ADH1A: variants seen among roughly 807,000 people sequenced by gnomAD.
ADH1A encodes alcohol dehydrogenase 1A (class I), alpha polypeptide.
Under a neutral mutation model 35.2 loss-of-function variants are expected in ADH1A, and 29 were observed. The ratio of observed to expected loss-of-function variants is 0.82; its 90% confidence interval spans 0.61 to 1.12. ADH1A has a LOEUF of 1.12. ADH1A is among the 50% of genes most tolerant of loss of function. The pLI, the probability that ADH1A is intolerant of heterozygous loss-of-function variation, is 0.00. For missense variants in ADH1A, 469 were observed against 464.7 expected (o/e 1.01, Z -0.09); for synonymous variants, 147 against 164.8 (o/e 0.89, Z 0.83).
chr4:99,284,042 G>C (rs1028714454), intron 5 of ADH1A, among the ~76,000 whole-genome samples: 1 of 152,120 alleles, frequency 6.6e-6, no homozygotes, highest in Non-Finnish European at 1.5e-5. Flanking sequence ...TACTTTTGCT[G>C]TCAGAGCCTA....
intron 3 of ADH1A, among the ~76,000 whole-genome samples, chr4:99,286,021 C>CAAAAAA (rs397938892): frequency 0.02 from 1,671 of 84,818 alleles, 67 homozygotes; most frequent in African/African-American, 0.024. Flanking sequence ...GACTCCGTCT[C>CAAAAAA]AAAAAAAAAA....
chr4:99,283,064 C>A (rs1208993450), intron 5 of ADH1A, among the ~76,000 whole-genome samples: 6 of 152,172 alleles, frequency 3.9e-5, no homozygotes, highest in African/African-American at 1.4e-4. Flanking sequence ...GTGGAAAAGG[C>A]TACTCCAGGA....
At chr4:99,278,418 T>G (rs1732918126) in intron 8 of ADH1A, 2 of 152,122 alleles carry the variant, frequency 1.3e-5, no homozygotes, top group South Asian at 4.1e-4. Context: ...GACCAAGTCA[T>G]GCCTTCTCTG....
chr4:99,282,233 A>C (rs1211116648), intron 6 of ADH1A, 113 bp downstream of exon 6: 2 of 1,597,402 alleles, frequency 1.3e-6, no homozygotes, highest in Admixed American at 3.4e-5. Context: ...GATGATGGGA[A>C]ATTTCCATTC....
At chr4:99,286,548 T>C in intron 3 of ADH1A, 1 of 316,072 alleles carries the variant, frequency 3.2e-6, no homozygotes, top group Non-Finnish European at 5.8e-6. Context: ...TACTAGATTA[T>C]GAATGCCACA....
chr4:99,279,821 G>A (rs1429786894), intron 7 of ADH1A, among the ~76,000 whole-genome samples: 3 of 152,100 alleles, frequency 2.0e-5, no homozygotes, highest in Admixed American at 2.0e-4. Context: ...AAAGGAACAA[G>A]TTTAACAGTT....
chr4:99,279,781 C>G (rs1378285208), intron 7 of ADH1A, among the ~76,000 whole-genome samples: 1 of 152,082 alleles, frequency 6.6e-6, no homozygotes, highest in Non-Finnish European at 1.5e-5. Context: ...CTCTCTCCCA[C>G]AGAGAAATCA....
intron 8 of ADH1A, among the ~76,000 whole-genome samples, chr4:99,277,603 A>G (rs982235335): frequency 6.6e-6 from 1 of 152,122 alleles, no homozygotes; most frequent in African/African-American, 2.4e-5. Flanking sequence ...TTGAATTTCT[A>G]TCAACTTCTT....
In ADH1A at chr4:99,280,280, C is replaced by A; in HGVS notation, c.829-1G>T. The A allele has an allele frequency of 6.2e-7, 1 of 1,613,156 alleles. No individual in the cohort carries two copies. The highest frequency in any genetic ancestry group is 8.5e-7 in the Non-Finnish European group (1 of 1,179,808). Reference sequence around the variant, plus strand: ...CATGACAACATAACAGGGAAGCCATCTGGAATAAAGTGAACACTTAGCATT... The same window carrying A: ...CATGACAACATAACAGGGAAGCCATATGGAATAAAGTGAACACTTAGCATT... On this transcript the variant is annotated splice_acceptor_variant, in intron 6 of 8. Coordinates refer to ENST00000209668, the MANE Select transcript of ADH1A (RefSeq NM_000667.4). LOFTEE classifies it high-confidence loss of function.
At chr4:99,282,728 A>C (rs897216872) in intron 5 of ADH1A, 122 bp from the exon 6 acceptor site, 1 of 1,452,344 alleles carries the variant, frequency 6.9e-7, no homozygotes, top group African/African-American at 1.4e-5. Flanking sequence ...TTTTGGCTTC[A>C]GTTGCTTTAT....
chr4:99,279,857 A>T (rs748115944), intron 7 of ADH1A, among the ~76,000 whole-genome samples: 2 of 151,468 alleles, frequency 1.3e-5, no homozygotes, highest in African/African-American at 2.4e-5. Context: ...TAGATATGAA[A>T]TATTGTTGTA....
intron 3 of ADH1A, among the ~76,000 whole-genome samples, chr4:99,286,512 G>T (rs1339364112): frequency 6.6e-6 from 1 of 152,080 alleles, no homozygotes; most frequent in Non-Finnish European, 1.5e-5. Flanking sequence ...ACAGAAGACC[G>T]TGTTCACCAA....
rs758748847 is a variant in ADH1A, at chr4:99,282,483, C to A, written c.691G>T (p.Ala231Ser). Residue 231 changes from alanine to serine, a missense_variant, in exon 6 of 9, where the codon GCA becomes TCA. Ala to Ser is a moderately conservative substitution (Grantham distance 99). Coordinates refer to ENST00000209668, the MANE Select transcript of ADH1A (RefSeq NM_000667.4). ...IAVDINKDKF[A>S]KAKELGATEC... is the part of the protein sequence containing the mutation. ...GTGGCACCCAACTCTTTGGCCTTTG[C>A]AAATTTGTCCTTGTTGATGTCCACC... is the stretch of plus-strand genomic sequence containing the variant. 1 of 1,614,024 alleles carries A rather than the reference C, an allele frequency of 6.2e-7. No individual in the cohort carries two copies. The highest frequency in any genetic ancestry group is 8.5e-7 in the Non-Finnish European group (1 of 1,180,046).
At chr4:99,282,182 A>G in intron 6 of ADH1A, 164 bp downstream of exon 6, 9 of 1,347,008 alleles carry the variant, frequency 6.7e-6, no homozygotes, top group Non-Finnish European at 9.3e-6. Context: ...AGAATAAAAG[A>G]TTCCTCATAA....
At chr4:99,284,069 C>T (rs574644023) in intron 5 of ADH1A, among the ~76,000 whole-genome samples, 2 of 152,258 alleles carry the variant, frequency 1.3e-5, no homozygotes, top group East Asian at 1.9e-4. Context: ...CCTATGGTGC[C>T]TGAAGCATGT....
In ADH1A at chr4:99,284,785, A is replaced by C. The variant is rs1733105340; in HGVS notation, c.278T>G (p.Leu93Arg). Residue 93 changes from leucine (L) to arginine (R), a missense_variant, in exon 4 of 9, where the codon CTC (leucine) becomes CGC (arginine). Physicochemically the swap from Leu to Arg is moderately radical, Grantham distance 102. Transcript: ENST00000209668. ...GCATTTTCCACACTGAGGAATAGCG[A>C]GTGGGATGACTTTATCACCTGGAGA... Reference protein sequence around the residue: ...TVKPGDKVIPLAIPQCGKCRI... With the variant: ...TVKPGDKVIPRAIPQCGKCRI... The C allele has an allele frequency of 1.1e-5, 18 of 1,614,146 alleles. No individual in the cohort carries two copies. Among genetic ancestry groups the C allele is most frequent in the Non-Finnish European group, 1.5e-5 (18 of 1,180,000 alleles).
chr4:99,280,417 C>T, intron 6 of ADH1A, 138 bp from the exon 7 acceptor site: 1 of 1,428,266 alleles, frequency 7.0e-7, no homozygotes, highest in Non-Finnish European at 9.5e-7. Flanking sequence ...TCCTTCAGTC[C>T]CCTTTTTTGC....
chr4:99,288,784 C>T (rs939783467), intron 1 of ADH1A: 6 of 151,850 alleles, frequency 4.0e-5, no homozygotes, highest in Admixed American at 6.6e-5. Flanking sequence ...GGCCTGTGCT[C>T]GGTGAGTTAT....
At chr4:99,277,996 C>G (rs944821266) in intron 8 of ADH1A, among the ~76,000 whole-genome samples, 4 of 152,052 alleles carry the variant, frequency 2.6e-5, no homozygotes, top group Admixed American at 2.6e-4. Context: ...GTATCAATTA[C>G]TACTGAAAGT....
Sources: gnomAD v4.1 joint callset for allele counts (sites outside exome capture counted in the v4.1 genomes callset) on GRCh38, gnomAD v4.1.1 for gene constraint, MANE v1.5 for transcripts, NCBI Gene and HGNC (gene_info 2026-07-23, HGNC 2026-07-21) for gene names.